Variants in FRMD4A observed in about 807,000 individuals in gnomAD.
FRMD4A encodes the protein FERM domain containing 4A.
Under a neutral mutation model 129.1 loss-of-function variants are expected in FRMD4A, and 29 were observed. That is an observed-to-expected ratio of 0.22 (90% CI 0.17 to 0.31). FRMD4A has a LOEUF of 0.31. Among genes scored for constraint, FRMD4A ranks in the 10% least tolerant of loss-of-function variants. FRMD4A has a pLI of 1.00. For synonymous variants in FRMD4A, 634 were observed against 571.6 expected, an observed-to-expected ratio of 1.11 and a Z score of -1.56; for missense variants, 1,272 against 1,375.8, an observed-to-expected ratio of 0.92 and a Z score of 1.19.
chr10:13,956,092 G>A (rs978717829), intron 2 of FRMD4A, among the ~76,000 whole-genome samples: 20 of 152,214 alleles, frequency 1.3e-4, no homozygotes, highest in African/African-American at 3.9e-4. Context: ...TACCATTTAC[G>A]GAGCACCTTG....
chr10:14,091,199 A>G (rs1162198594), intron 2 of FRMD4A, among the ~76,000 whole-genome samples: 1 of 152,172 alleles, frequency 6.6e-6, no homozygotes, highest in African/African-American at 2.4e-5. Flanking sequence ...AGTGATTTTT[A>G]TCTTTTAAAA....
intron 2 of FRMD4A, among the ~76,000 whole-genome samples, chr10:14,245,806 A>C (rs1844213693): frequency 6.6e-6 from 1 of 152,106 alleles, no homozygotes; most frequent in Non-Finnish European, 1.5e-5. Flanking sequence ...GAACTGTAAT[A>C]AGTTTTTGTT....
intron 3 of FRMD4A, among the ~76,000 whole-genome samples, chr10:13,824,915 A>G (rs1301090797): frequency 1.3e-5 from 2 of 151,448 alleles, no homozygotes; most frequent in Non-Finnish European, 2.9e-5. Flanking sequence ...AAAAAAAAAA[A>G]AGAGTAATCA....
intron 2 of FRMD4A, among the ~76,000 whole-genome samples, chr10:14,303,807 C>G (rs1846261521): frequency 1.3e-5 from 2 of 152,096 alleles, no homozygotes; most frequent in Non-Finnish European, 2.9e-5. Flanking sequence ...ATTTCTGTCT[C>G]TATGGTTTAT....
intron 2 of FRMD4A, among the ~76,000 whole-genome samples, chr10:14,029,979 C>T (rs1486974870): frequency 6.6e-6 from 1 of 152,090 alleles, no homozygotes; most frequent in Non-Finnish European, 1.5e-5. Flanking sequence ...GGATATTACG[C>T]TAAGTGAAAA....
chr10:14,104,810 A>G (rs938977533), intron 2 of FRMD4A, among the ~76,000 whole-genome samples: 2 of 152,258 alleles, frequency 1.3e-5, no homozygotes, highest in African/African-American at 4.8e-5. Context: ...TGGTTCTCCC[A>G]TCCAGGGAAA....
chr10:13,788,295 A>G (rs2092916104), intron 5 of FRMD4A, among the ~76,000 whole-genome samples: 1 of 152,186 alleles, frequency 6.6e-6, no homozygotes, highest in South Asian at 2.1e-4. Context: ...GTACCAGACA[A>G]CTAGGGGGCA....
At chr10:14,061,583 C>T (rs1477470653) in intron 2 of FRMD4A, among the ~76,000 whole-genome samples, 1 of 152,160 alleles carries the variant, frequency 6.6e-6, no homozygotes, top group Non-Finnish European at 1.5e-5. Context: ...TGTCAATTTC[C>T]TCCCTATCCT....
intron 15 of FRMD4A, among the ~76,000 whole-genome samples, chr10:13,680,132 C>T (rs954522835): frequency 6.6e-6 from 1 of 152,168 alleles, no homozygotes; most frequent in Non-Finnish European, 1.5e-5. Context: ...TGAGGCAGGG[C>T]AGAGCCTTAG....
At chr10:14,059,039 T>C (rs1366701727) in intron 2 of FRMD4A, among the ~76,000 whole-genome samples, 1 of 152,174 alleles carries the variant, frequency 6.6e-6, no homozygotes, top group Non-Finnish European at 1.5e-5. Context: ...ATGCAAAGCA[T>C]ACCTTCTTTA....
At chr10:14,120,435 G>A (rs1838442908) in intron 2 of FRMD4A, among the ~76,000 whole-genome samples, 1 of 152,084 alleles carries the variant, frequency 6.6e-6, no homozygotes, top group South Asian at 2.1e-4. Context: ...AAGCTTCTTG[G>A]TATTTTAAGT....
chr10:13,659,959 A>AG, intron 20 of FRMD4A, among the ~76,000 whole-genome samples: 1 of 152,158 alleles, frequency 6.6e-6, no homozygotes, highest in Non-Finnish European at 1.5e-5. Flanking sequence ...CTGCTGGATG[A>AG]GGGGGTAGAG....
intron 2 of FRMD4A, among the ~76,000 whole-genome samples, chr10:14,224,388 C>T (rs949180331): frequency 3.3e-5 from 5 of 152,210 alleles, no homozygotes; most frequent in African/African-American, 1.2e-4. Context: ...TCCACCTCCC[C>T]ATCAAAGGAG....
intron 12 of FRMD4A, among the ~76,000 whole-genome samples, chr10:13,710,059 A>T (rs1399110445): frequency 6.6e-6 from 1 of 152,054 alleles, no homozygotes; most frequent in Non-Finnish European, 1.5e-5. Flanking sequence ...GGCCCTGCTC[A>T]TTGTGGACTT....
At chr10:13,763,772 G>T (rs574832761) in intron 6 of FRMD4A, among the ~76,000 whole-genome samples, 66 of 152,082 alleles carry the variant, frequency 4.3e-4, no homozygotes, top group Admixed American at 3.7e-3. Flanking sequence ...GTCTTGCTGT[G>T]TCACCCAAGC....
At chr10:14,280,565 TCAAA>T (rs1188720439) in intron 2 of FRMD4A, among the ~76,000 whole-genome samples, 1 of 152,228 alleles carries the variant, frequency 6.6e-6, no homozygotes, top group Non-Finnish European at 1.5e-5. Context: ...ATCATCATTC[TCAAA>T]CAGATTCCAA....
chr10:13,861,923 C>T (rs1277116678), intron 2 of FRMD4A, among the ~76,000 whole-genome samples: 1 of 152,158 alleles, frequency 6.6e-6, no homozygotes. Context: ...AAAAAGTACA[C>T]TAGAAATGTT....
At chr10:14,264,904 C>T (rs1310006581) in intron 2 of FRMD4A, among the ~76,000 whole-genome samples, 1 of 152,144 alleles carries the variant, frequency 6.6e-6, no homozygotes, top group Non-Finnish European at 1.5e-5. Context: ...GCTTCAGCCT[C>T]CTGAGTAGCT....
intron 3 of FRMD4A, among the ~76,000 whole-genome samples, chr10:13,842,115 T>C (rs1049078376): frequency 1.3e-5 from 2 of 152,182 alleles, no homozygotes; most frequent in South Asian, 4.1e-4. Flanking sequence ...TTCTGAATGA[T>C]TCCAAACACT....
Sources: allele counts gnomAD v4.1 joint callset (sites outside exome capture counted in the v4.1 genomes callset), GRCh38; gene constraint gnomAD v4.1.1; transcripts MANE v1.5; gene names NCBI Gene and HGNC (gene_info 2026-07-23, HGNC 2026-07-21).